Variants in MAP2K2 observed in about 807,000 individuals in gnomAD.
MAP2K2 encodes dual specificity mitogen-activated protein kinase kinase 2.
Under a neutral mutation model 43.7 loss-of-function variants are expected in MAP2K2, and 24 were observed. That is an observed-to-expected ratio of 0.55 (90% CI 0.40 to 0.77). The LOEUF (loss-of-function observed/expected upper bound fraction) is 0.77. Among genes scored for constraint, MAP2K2 ranks in the 30% least tolerant of loss-of-function variants. MAP2K2 has a pLI of 0.00. For synonymous variants in MAP2K2, 244 were observed against 239.7 expected (o/e 1.02, Z -0.17); for missense variants, 470 against 566.8 (o/e 0.83, Z 1.73).
intron 9 of MAP2K2, 110 bp from the exon 10 acceptor site, chr19:4,094,608 A>C: frequency 2.9e-6 from 3 of 1,025,078 alleles, no homozygotes; most frequent in Non-Finnish European, 4.5e-6. Flanking sequence ...GGGGGCCTGG[A>C]TCTCTCCGAC....
chr19:4,099,921 G>A (rs1197963111), intron 6 of MAP2K2: 2 of 189,956 alleles, frequency 1.1e-5, no homozygotes, highest in African/African-American at 2.3e-5. Flanking sequence ...CCAATATGGC[G>A]AGACCCCATC....
At chr19:4,099,583 C>T in intron 6 of MAP2K2, 169 bp from the exon 7 acceptor site, 1 of 626,658 alleles carries the variant, frequency 1.6e-6, no homozygotes, top group Non-Finnish European at 2.8e-6. Flanking sequence ...CCCAGGGCCT[C>T]CCTGCGGCAC....
At chr19:4,108,383 G>A (rs965514895) in intron 3 of MAP2K2, among the ~76,000 whole-genome samples, 24 of 151,776 alleles carry the variant, frequency 1.6e-4, no homozygotes, top group African/African-American at 5.8e-4. Flanking sequence ...TGGGACTACA[G>A]GCACCCGCCA....
intron 2 of MAP2K2, among the ~76,000 whole-genome samples, chr19:4,116,866 T>A (rs2041227935): frequency 6.6e-6 from 1 of 151,428 alleles, no homozygotes; most frequent in Non-Finnish European, 1.5e-5. Flanking sequence ...GAGGCGGAGG[T>A]TGAAGTGAGC....
chr19:4,098,631 C>A (rs151223614), intron 7 of MAP2K2, among the ~76,000 whole-genome samples: 1 of 152,320 alleles, frequency 6.6e-6, no homozygotes, highest in East Asian at 1.9e-4. Flanking sequence ...GCTCCCGCTC[C>A]CGAGGTGCCC....
Position 4,109,882 on chromosome 19 carries a change from G to A in MAP2K2, c.450+627C>T, listed in dbSNP as rs901913937. Among the ~76,000 whole-genome samples the A allele has an allele frequency of 6.6e-5, 10 of 152,260 alleles. 1 individual carries two copies. The South Asian group carries it at 1.7e-3, about 25-fold the overall frequency. ...AGTCAGTGCCATGTTATTTGAGATA[G>A]GGCAGAGACTGGAAACAACCTACGT... On this transcript the variant is annotated intron_variant, in intron 3 of 10. Transcript: ENST00000262948.
rs1303111645 is a variant in MAP2K2 at position 4,103,103 on chromosome 19, G to A, written c.451-650C>T. On this transcript the variant is annotated intron_variant, in intron 3 of 10. Transcript: ENST00000262948. ...CGAGTAGGACCAGGGGCCAGGGGGT[G>A]CATGGACTGCAGGAGGGATCCCAGT... The A allele has an allele frequency of 6.9e-6, 7 of 1,012,496 alleles. No homozygotes were observed. The East Asian group carries it at 2.9e-4, about 42-fold the overall frequency. 62.7% of individuals were successfully genotyped at this position (1,012,496 alleles called of 1,614,324 possible). A position where few individuals can be genotyped will look rare whatever the true frequency, so the allele number is the denominator to read the frequency against.
At position 4,102,277 on chromosome 19, in the gene MAP2K2, C is replaced by T. The variant is rs2041023393; in HGVS notation, c.528+99G>A. On this transcript the variant is annotated intron_variant, in intron 4 of 10. Coordinates refer to ENST00000262948, the MANE Select transcript of MAP2K2 (RefSeq NM_030662.4). Reference sequence around the variant, plus strand: ...TCTCTTTCTGCAGGGGCCACCCTAACCCCCACCACACTGTGAGTGGCTCCC... The same window carrying T: ...TCTCTTTCTGCAGGGGCCACCCTAATCCCCACCACACTGTGAGTGGCTCCC... 4 of 1,048,096 alleles carry T rather than the reference C, an allele frequency of 3.8e-6. No homozygotes were observed. The South Asian group carries it at 4.0e-5, about 11-fold the overall frequency. The allele number at this position is 1,048,096 out of a possible 1,614,324, so 64.9% of individuals were successfully genotyped here. A position where few individuals can be genotyped will look rare whatever the true frequency, so the allele number is the denominator to read the frequency against.
At chr19:4,110,427 G>C (rs1006473700) in intron 3 of MAP2K2, 82 bp downstream of exon 3, 2 of 1,559,174 alleles carry the variant, frequency 1.3e-6, no homozygotes, top group Non-Finnish European at 1.8e-6. Context: ...TGAGGAAAGG[G>C]GCCGTGAGGG....
chr19:4,106,130 C>T (rs1309855711), intron 3 of MAP2K2, among the ~76,000 whole-genome samples: 1 of 152,138 alleles, frequency 6.6e-6, no homozygotes, highest in Non-Finnish European at 1.5e-5. Context: ...AAAACAACAT[C>T]GAAATGGGCT....
chr19:4,121,817 C>A, intron 1 of MAP2K2, among the ~76,000 whole-genome samples: 1 of 46,598 alleles, frequency 2.1e-5, no homozygotes, highest in Non-Finnish European at 4.0e-5. Flanking sequence ...CCCCAGAACT[C>A]CCACCCTGAC....
rs1359373195 is a variant in MAP2K2, at chr19:4,101,386, G to T, written c.529-106C>A. On this transcript the variant is annotated intron_variant, in intron 4 of 10. Transcript: ENST00000262948. The surrounding 1 kb of genome is among the most constrained non-coding windows in gnomAD (Gnocchi z 6.3). Reference sequence around the variant, plus strand: ...CAGTCAGAGCTGGAGCGAGGGAGCTGCGGCAGGAACCATTTCAGGCTGTGA... The same window carrying T: ...CAGTCAGAGCTGGAGCGAGGGAGCTTCGGCAGGAACCATTTCAGGCTGTGA... 3.9e-6 allele frequency: 5 copies of T among 1,287,262 alleles called. No individual in the cohort carries two copies. The highest frequency in any genetic ancestry group is 2.5e-5 in the East Asian group (1 of 39,668). The allele number at this position is 1,287,262 out of a possible 1,614,324, so 79.7% of individuals were successfully genotyped here.
At chr19:4,092,634 G>T (rs1030942175) in intron 10 of MAP2K2, among the ~76,000 whole-genome samples, 2 of 152,022 alleles carry the variant, frequency 1.3e-5, no homozygotes, top group Admixed American at 6.6e-5. Flanking sequence ...TCTCTTTTTA[G>T]TTATTTATTT....
intron 1 of MAP2K2, among the ~76,000 whole-genome samples, chr19:4,117,865 A>G (rs930419806): frequency 1.1e-4 from 17 of 152,174 alleles, no homozygotes; most frequent in Admixed American, 3.9e-4. Flanking sequence ...TGTCTCAACA[A>G]GTCTAGCAGA....
intron 10 of MAP2K2, among the ~76,000 whole-genome samples, chr19:4,092,546 G>A (rs1301440183): frequency 2.0e-5 from 3 of 151,938 alleles, no homozygotes; most frequent in Admixed American, 1.3e-4. Flanking sequence ...CCGAGATTGC[G>A]CCACTGCACT....
chr19:4,110,878 G>T (rs2041146009), intron 2 of MAP2K2, among the ~76,000 whole-genome samples: 1 of 152,192 alleles, frequency 6.6e-6, no homozygotes, highest in South Asian at 2.1e-4. Flanking sequence ...GGCAAGGGTG[G>T]AAAGAACCCA....
At chr19:4,117,060 CAT>C (rs2041230044) in intron 2 of MAP2K2, among the ~76,000 whole-genome samples, 1 of 152,256 alleles carries the variant, frequency 6.6e-6, no homozygotes, top group South Asian at 2.1e-4. Context: ...TGGCTGTACA[CAT>C]AGGCGCAAAC....
intron 3 of MAP2K2, among the ~76,000 whole-genome samples, chr19:4,107,606 T>A (rs527776437): frequency 1.1e-4 from 16 of 149,766 alleles, no homozygotes; most frequent in African/African-American, 3.7e-4. Context: ...ACCTGGAAGG[T>A]TGAGGCAGGA....
chr19:4,113,547 G>C (rs1209480493), intron 2 of MAP2K2, among the ~76,000 whole-genome samples: 2 of 152,164 alleles, frequency 1.3e-5, no homozygotes, highest in African/African-American at 4.8e-5. Context: ...GAGCCTCGGA[G>C]CCATGTTCCC....
Sources: allele counts gnomAD v4.1 joint callset (sites outside exome capture counted in the v4.1 genomes callset), GRCh38; gene constraint gnomAD v4.1.1; non-coding constraint Gnocchi (gnomAD v3.1); transcripts MANE v1.5; gene names NCBI Gene and HGNC (gene_info 2026-07-23, HGNC 2026-07-21).